Variants in STK4 observed in about 807,000 individuals in gnomAD.
The protein encoded by STK4 is serine/threonine-protein kinase 4.
Under a neutral mutation model 64.9 loss-of-function variants are expected in STK4, and 30 were observed. That is an observed-to-expected ratio of 0.46 (90% CI 0.35 to 0.63). The LOEUF (loss-of-function observed/expected upper bound fraction) is 0.63. STK4 is among the 20% of genes least tolerant of loss of function. STK4 has a pLI of 0.01. For synonymous variants in STK4, 177 were observed against 199.0 expected (o/e 0.89, Z 0.93); for missense variants, 466 against 598.5 (o/e 0.78, Z 2.31).
Position 44,987,301 on chromosome 20 carries a change from G to A in STK4, c.525+5G>A. On this transcript the variant is annotated splice_donor_5th_base_variant and intron_variant, in intron 5 of 10. Coordinates refer to ENST00000372806, the MANE Select transcript of STK4 (RefSeq NM_006282.5). ...GGGGTAGCAGGTCAACTTACAGTAA[G>A]TAAAAATATTACTTGTATTGATAAT... 1 of 1,603,276 alleles carries A rather than the reference G, an allele frequency of 6.2e-7. No individual in the cohort carries two copies. The highest frequency in any genetic ancestry group is 8.5e-7 in the Non-Finnish European group (1 of 1,176,924).
Position 45,004,772 on chromosome 20 carries a change from T to C in STK4, c.1147+3419T>C, listed in dbSNP as rs1346408812. Among the ~76,000 whole-genome samples the C allele has an allele frequency of 1.1e-4, 17 of 150,830 alleles. 1 individual carries two copies. The highest frequency in any genetic ancestry group is 1.1e-3 in the Admixed American group (17 of 15,210). ...TTTTTCTCCTTTTTTTTTTTCTTTT[T>C]TCTTTTTTTTTTTTGAGACGGAGTC... On this transcript the variant is annotated intron_variant, in intron 9 of 10. Transcript: ENST00000372806.
chr20:45,015,330 T>C (rs1475020755), intron 9 of STK4, among the ~76,000 whole-genome samples: 1 of 152,208 alleles, frequency 6.6e-6, no homozygotes, highest in Non-Finnish European at 1.5e-5. Context: ...GAACATTGTC[T>C]CCCTTGTGTG....
At chr20:45,046,930 T>C (rs2068706104) in intron 10 of STK4, among the ~76,000 whole-genome samples, 1 of 152,154 alleles carries the variant, frequency 6.6e-6, no homozygotes, top group Non-Finnish European at 1.5e-5. Flanking sequence ...TCTGCCCGCC[T>C]CGGCCTCCCA....
At chr20:45,005,881 A>G (rs2067933995) in intron 9 of STK4, among the ~76,000 whole-genome samples, 1 of 151,848 alleles carries the variant, frequency 6.6e-6, no homozygotes, top group South Asian at 2.1e-4. Flanking sequence ...TTTTGAATAT[A>G]GTTTACTGAG....
chr20:44,987,580 AAG>A (rs2067552606), intron 5 of STK4, among the ~76,000 whole-genome samples: 1 of 152,150 alleles, frequency 6.6e-6, no homozygotes, highest in African/African-American at 2.4e-5. Flanking sequence ...TTATAAAAGG[AAG>A]AAAAATTAAG....
chr20:44,977,562 G>A (rs1016016086), intron 2 of STK4, among the ~76,000 whole-genome samples: 5 of 152,140 alleles, frequency 3.3e-5, no homozygotes, highest in African/African-American at 1.2e-4. Flanking sequence ...ATCTTGTAAG[G>A]TAGTTTGTAT....
intron 10 of STK4, among the ~76,000 whole-genome samples, chr20:45,068,772 C>T (rs1979808617): frequency 1.3e-5 from 2 of 152,144 alleles, no homozygotes; most frequent in Admixed American, 1.3e-4. Context: ...TGATACCTAC[C>T]TTACAGATGG....
At chr20:45,010,645 T>G (rs191040922) in intron 9 of STK4, among the ~76,000 whole-genome samples, 3 of 152,336 alleles carry the variant, frequency 2.0e-5, no homozygotes, top group South Asian at 4.1e-4. Context: ...CAGATATGTT[T>G]GATTTCAGTG....
At chr20:45,062,947 C>CCCAA (rs1335177630) in intron 10 of STK4, among the ~76,000 whole-genome samples, 2 of 142,540 alleles carry the variant, frequency 1.4e-5, no homozygotes, top group Non-Finnish European at 3.0e-5. Flanking sequence ...GCCTCGGCCT[C>CCCAA]CCAAAGTGCT....
intron 1 of STK4, chr20:44,967,346 T>C (rs1568671928): frequency 3.8e-5 from 22 of 580,574 alleles, no homozygotes; most frequent in Non-Finnish European, 4.8e-5. Flanking sequence ...TGTTTCCTTC[T>C]TTACTCCGGG....
At chr20:45,022,234 A>G (rs2068261371) in intron 9 of STK4, among the ~76,000 whole-genome samples, 1 of 152,210 alleles carries the variant, frequency 6.6e-6, no homozygotes, top group African/African-American at 2.4e-5. Context: ...CTTACAGCTT[A>G]TATCTGAATA....
At chr20:45,064,541 A>G (rs1268583062) in intron 10 of STK4, among the ~76,000 whole-genome samples, 2 of 152,190 alleles carry the variant, frequency 1.3e-5, no homozygotes, top group African/African-American at 4.8e-5. Context: ...CATGTTAACA[A>G]TGATTCTTCC....
rs140339858 is a variant in STK4 at position 45,077,086 on chromosome 20, G to C, written c.*1910G>C. On this transcript the variant is annotated 3_prime_UTR_variant, in exon 11 of 11. Coordinates refer to ENST00000372806, the MANE Select transcript of STK4 (RefSeq NM_006282.5). The stretch of plus-strand genomic sequence containing the variant: ...ACTACTTTATCTCCATTTTGTAGTT[G>C]AAGAAATAAGTTCAGAGAGAAAGAT... 5.3e-5 allele frequency: 8 copies of C among 152,182 alleles called. No individual in the cohort carries two copies. Among genetic ancestry groups the C allele is most frequent in the African/African-American group, 1.4e-4 (6 of 41,442 alleles). The allele number at this position is 152,182 out of a possible 1,614,324, so 9.4% of individuals were successfully genotyped here.
intron 10 of STK4, among the ~76,000 whole-genome samples, chr20:45,036,821 G>C (rs1300784721): frequency 6.6e-6 from 1 of 152,110 alleles, no homozygotes; most frequent in Non-Finnish European, 1.5e-5. Flanking sequence ...AATGTATAGG[G>C]TTCGTTACCA....
intron 2 of STK4, chr20:44,975,259 T>G (rs1413588781): frequency 1.7e-6 from 1 of 605,668 alleles, no homozygotes; most frequent in African/African-American, 2.0e-5. Context: ...GAATCAAGTT[T>G]TAAGGGACTT....
At chr20:45,037,834 G>A (rs2068551609) in intron 10 of STK4, among the ~76,000 whole-genome samples, 1 of 152,016 alleles carries the variant, frequency 6.6e-6, no homozygotes, top group African/African-American at 2.4e-5. Flanking sequence ...TTTTGCTTTT[G>A]GCTGCACATG....
chr20:45,034,932 C>G (rs2068503821), intron 10 of STK4, among the ~76,000 whole-genome samples: 1 of 151,700 alleles, frequency 6.6e-6, no homozygotes, highest in Non-Finnish European at 1.5e-5. Flanking sequence ...ACAACAACAA[C>G]AACAAAAGAT....
chr20:45,053,911 T>G (rs1017107419), intron 10 of STK4, among the ~76,000 whole-genome samples: 3 of 151,322 alleles, frequency 2.0e-5, no homozygotes, highest in Admixed American at 1.3e-4. Flanking sequence ...TGTTTTTTGT[T>G]TTTTTTTTCA....
intron 9 of STK4, among the ~76,000 whole-genome samples, chr20:45,011,729 A>ATATATATATATATATATATATATAT (rs60170856): frequency 3.5e-5 from 4 of 115,386 alleles, no homozygotes; most frequent in African/African-American, 1.1e-4. Context: ...ATATATATAT[A>ATATATATATATATATATATATATAT]TTTTTTTTTT....
Sources: allele counts gnomAD v4.1 joint callset (sites outside exome capture counted in the v4.1 genomes callset), GRCh38; gene constraint gnomAD v4.1.1; transcripts MANE v1.5; gene names NCBI Gene and HGNC (gene_info 2026-07-23, HGNC 2026-07-21).